The following CCDC149 variants were observed in gnomAD, a reference collection of about 807,000 sequenced individuals.
The protein encoded by CCDC149 is coiled-coil domain-containing protein 149.
In CCDC149, 45 loss-of-function variants were observed where a neutral mutation model predicts 59.9. The observed-to-expected ratio is 0.75, with a 90% CI of 0.59 to 0.96. The LOEUF is 0.96. CCDC149 is among the 40% of genes least tolerant of loss of function. The pLI is 0.00. For missense variants in CCDC149, 584 were observed against 664.7 expected, an observed-to-expected ratio of 0.88 and a Z score of 1.33; for synonymous variants, 245 against 260.6, an observed-to-expected ratio of 0.94 and a Z score of 0.58.
At chr4:24,841,468 T>TCA (rs1716932487) in intron 4 of CCDC149, among the ~76,000 whole-genome samples, 1 of 152,250 alleles carries the variant, frequency 6.6e-6, no homozygotes, top group Non-Finnish European at 1.5e-5. Flanking sequence ...GTGTTTAATG[T>TCA]GCATACAATA....
At chr4:24,899,508 A>G (rs1433239795) in intron 1 of CCDC149, among the ~76,000 whole-genome samples, 1 of 152,088 alleles carries the variant, frequency 6.6e-6, no homozygotes, top group Non-Finnish European at 1.5e-5. Context: ...CTAAAGAAAG[A>G]CCACTGGGTG....
intron 1 of CCDC149, among the ~76,000 whole-genome samples, chr4:24,892,331 G>A (rs958268041): frequency 2.0e-5 from 3 of 152,186 alleles, no homozygotes; most frequent in Non-Finnish European, 2.9e-5. Flanking sequence ...CTATAGGTTT[G>A]TCAAAGGATT....
At position 24,905,440 on chromosome 4, in the gene CCDC149, T is replaced by C. The variant is rs1001987021; in HGVS notation, c.63+7377A>G. On this transcript the variant is annotated intron_variant, in intron 1 of 12. Transcript: ENST00000635206. ...GTGTGTGTGTGTGTGTGTGTGTGTG[T>C]GTGTGTGTGTGTGTGATGGAGTTTT... Among the ~76,000 whole-genome samples the C allele has an allele frequency of 2.1e-4, 32 of 150,674 alleles. No individual in the cohort carries two copies. In the East Asian group the frequency reaches 6.2e-3, roughly 29 times the overall value.
At chr4:24,976,741 T>C (rs1724216533) in intron 1 of CCDC149, among the ~76,000 whole-genome samples, 2 of 152,136 alleles carry the variant, frequency 1.3e-5, no homozygotes, top group Middle Eastern at 6.8e-3. Flanking sequence ...AAACAAAAAG[T>C]GTGCCATCAT....
chr4:24,812,333 A>G (rs1412603777), intron 12 of CCDC149, among the ~76,000 whole-genome samples: 3 of 152,168 alleles, frequency 2.0e-5, no homozygotes, highest in Non-Finnish European at 4.4e-5. Context: ...GTGATCTGCC[A>G]TCTGTTTCTC....
At chr4:24,974,580 A>G (rs1724093250) in intron 1 of CCDC149, among the ~76,000 whole-genome samples, 2 of 152,268 alleles carry the variant, frequency 1.3e-5, no homozygotes. Context: ...CTCAACCAAT[A>G]TGGCTTTCTT....
intron 3 of CCDC149, among the ~76,000 whole-genome samples, chr4:24,871,185 G>A (rs185297176): frequency 2.0e-4 from 30 of 147,138 alleles, no homozygotes; most frequent in African/African-American, 5.5e-4. Context: ...ATAAGTAAGC[G>A]TGCTGAATGA....
intron 12 of CCDC149, among the ~76,000 whole-genome samples, chr4:24,812,616 T>G (rs11737380): frequency 2.6e-5 from 4 of 151,968 alleles, no homozygotes; most frequent in Non-Finnish European, 4.4e-5. Flanking sequence ...AGTCCTGTCT[T>G]TGTCCCTCTG....
chr4:24,833,513 A>T (rs1716300425), intron 8 of CCDC149, among the ~76,000 whole-genome samples: 1 of 152,136 alleles, frequency 6.6e-6, no homozygotes, highest in Admixed American at 6.5e-5. Flanking sequence ...AGTCCCAGCT[A>T]CTCAGGAAGC....
chr4:24,881,908 C>A (rs7665211), intron 1 of CCDC149, among the ~76,000 whole-genome samples: 63,230 of 152,010 alleles, frequency 0.42, 14,445 homozygotes, highest in Non-Finnish European at 0.52. Context: ...CAAGGGATTG[C>A]GAAGCCAGAA....
chr4:24,944,669 G>T (rs1319367381), intron 1 of CCDC149, among the ~76,000 whole-genome samples: 2 of 152,226 alleles, frequency 1.3e-5, no homozygotes, highest in African/African-American at 4.8e-5. Context: ...TAGATGATGG[G>T]TTGATAGGTA....
chr4:24,820,821 A>G (rs1715343614), intron 11 of CCDC149, among the ~76,000 whole-genome samples: 1 of 152,232 alleles, frequency 6.6e-6, no homozygotes, highest in Non-Finnish European at 1.5e-5. Flanking sequence ...TGTGGAGACC[A>G]GAGATAAGAA....
intron 1 of CCDC149, among the ~76,000 whole-genome samples, chr4:24,946,158 G>A (rs915401334): frequency 3.3e-5 from 5 of 152,136 alleles, no homozygotes; most frequent in South Asian, 2.1e-4. Flanking sequence ...AGCAAGAGAC[G>A]CAGACTCAAA....
intron 4 of CCDC149, among the ~76,000 whole-genome samples, chr4:24,851,820 G>A (rs1369803251): frequency 3.3e-5 from 5 of 152,072 alleles, no homozygotes; most frequent in Non-Finnish European, 7.3e-5. Flanking sequence ...CCTAGGTTAC[G>A]GAGTTTAAAT....
intron 1 of CCDC149, among the ~76,000 whole-genome samples, chr4:24,888,381 A>G (rs1045931710): frequency 2.6e-5 from 4 of 152,200 alleles, no homozygotes. Context: ...AGAAAAAAAA[A>G]ATCCAGTTAC....
chr4:24,911,354 T>A (rs1259433655), intron 1 of CCDC149, among the ~76,000 whole-genome samples: 1 of 152,228 alleles, frequency 6.6e-6, no homozygotes, highest in Non-Finnish European at 1.5e-5. Flanking sequence ...CAGGAGTTCT[T>A]TGAGGGTAGG....
chr4:24,840,949 C>T (rs1334343797), intron 4 of CCDC149, among the ~76,000 whole-genome samples: 2 of 152,154 alleles, frequency 1.3e-5, no homozygotes, highest in Non-Finnish European at 2.9e-5. Context: ...AGCAATGGTT[C>T]AGTATTCACT....
chr4:24,933,896 C>T lies in CCDC149; in HGVS notation c.-64-38778G>A, dbSNP rs775040564. ...GATGGTTCTTCTGCTCCATGTGACA[C>T]CAGTTGGAGTCAACCACTTGTTGGC... On this transcript the variant is annotated intron_variant, in intron 1 of 12. Transcript: ENST00000389609. 2.4e-4 allele frequency among the ~76,000 whole-genome samples: 36 copies of T among 152,140 alleles called. 1 individual carries two copies. The highest frequency in any genetic ancestry group is 2.1e-4 in the South Asian group (1 of 4,828).
chr4:24,832,541 C>T (rs1303028362), intron 8 of CCDC149, among the ~76,000 whole-genome samples: 1 of 152,212 alleles, frequency 6.6e-6, no homozygotes, highest in Non-Finnish European at 1.5e-5. Context: ...AGACCTGCCC[C>T]TTGTGCATAT....
Sources: allele counts gnomAD v4.1 joint callset (sites outside exome capture counted in the v4.1 genomes callset), GRCh38; gene constraint gnomAD v4.1.1; transcripts MANE v1.5; gene names NCBI Gene and HGNC (gene_info 2026-07-23, HGNC 2026-07-21).